Variants in PRL observed in about 807,000 individuals in gnomAD.
The protein encoded by PRL is prolactin.
In PRL, 24 loss-of-function variants were observed where a neutral mutation model predicts 21.3. That is an observed-to-expected ratio of 1.13 (90% CI 0.82 to 1.59). PRL has a LOEUF of 1.59. Ranked by LOEUF, PRL falls within the 40% of genes most tolerant of loss-of-function variation. PRL has a pLI of 0.00. For missense variants in PRL, 243 were observed against 286.9 expected, an observed-to-expected ratio of 0.85 and a Z score of 1.10; for synonymous variants, 118 against 115.7, an observed-to-expected ratio of 1.02 and a Z score of -0.13.
chr6:22,287,802 A>G (rs1462146543), intron 4 of PRL, among the ~76,000 whole-genome samples: 8 of 152,228 alleles, frequency 5.3e-5, no homozygotes, highest in Admixed American at 5.2e-4. Context: ...GTTCTCTGAC[A>G]TCTATGGGAT....
upstream of PRL, chr6:22,297,217 A>G (rs1006619361): frequency 3.2e-5 from 18 of 555,434 alleles, no homozygotes; most frequent in South Asian, 3.6e-4. Flanking sequence ...TACTGGCCAG[A>G]AATGAACATT....
At chr6:22,299,106 A>C (rs1761235280), upstream of PRL, among the ~76,000 whole-genome samples, 1 of 152,248 alleles carries the variant, frequency 6.6e-6, no homozygotes, top group African/African-American at 2.4e-5. Flanking sequence ...ACTGCTATGC[A>C]TGTTACCCCC....
At chr6:22,294,830 A>C (rs1036431418) in intron 1 of PRL, among the ~76,000 whole-genome samples, 15 of 152,334 alleles carry the variant, frequency 9.8e-5, no homozygotes, top group Admixed American at 8.5e-4. Flanking sequence ...GTTTCCCAGA[A>C]GTGCTTCTGT....
Position 22,297,032 on chromosome 6 carries a change from C to T in PRL, c.-50G>A. ...ACTTCACCAGAGAAGATCTGGAAGT[C>T]TCACGGTTTTCTCTTTCCCAGATAT... On this transcript the variant is annotated 5_prime_UTR_variant, in exon 1 of 5. Transcript: ENST00000306482. The T allele has an allele frequency of 6.2e-7, 1 of 1,600,270 alleles. No individual in the cohort carries two copies. Among genetic ancestry groups the T allele is most frequent in the Non-Finnish European group, 8.6e-7 (1 of 1,168,578 alleles).
At chr6:22,295,035 C>T (rs1430436705) in intron 1 of PRL, among the ~76,000 whole-genome samples, 1 of 152,000 alleles carries the variant, frequency 6.6e-6, no homozygotes, top group Non-Finnish European at 1.5e-5. Context: ...ACAGTACAGT[C>T]GATCCTTTCG....
intron 1 of PRL, among the ~76,000 whole-genome samples, chr6:22,295,349 T>G (rs963922138): frequency 1.4e-4 from 21 of 152,206 alleles, no homozygotes; most frequent in Non-Finnish European, 2.8e-4. Context: ...AGAGGCATGA[T>G]GCCAATACTG....
At chr6:22,302,062 T>C (rs911698596), upstream of PRL, among the ~76,000 whole-genome samples, 1 of 152,006 alleles carries the variant, frequency 6.6e-6, no homozygotes, top group Non-Finnish European at 1.5e-5. Flanking sequence ...AAAAAGAAAC[T>C]AAAAAATACA....
At chr6:22,295,918 TAGGAAGTG>T (rs1761163613) in intron 1 of PRL, among the ~76,000 whole-genome samples, 1 of 152,234 alleles carries the variant, frequency 6.6e-6, no homozygotes, top group South Asian at 2.1e-4. Flanking sequence ...TTGCTTAGTG[TAGGAAGTG>T]ACTAAATCTG....
rs1237405271 is a variant in PRL, at chr6:22,294,544, G to T, written c.69C>A (p.Cys23Ter). ...LLLLVSNLLLCQSVAPLPICP... is the reference protein window; with the variant it reads ...LLLLVSNLLL The stretch of plus-strand genomic sequence containing the variant: ...AGATGGGCAAGGGGGCCACGCTCTG[G>T]CACAGGAGCAGGTTTGACACCAGCA... Residue 23 changes from cysteine (C) to a stop codon, truncating the protein, a stop_gained, in exon 2 of 5, where the codon TGC becomes TGA. Coordinates refer to ENST00000306482, the MANE Select transcript of PRL (RefSeq NM_000948.6). LOFTEE classifies it high-confidence loss of function. 1 of 1,612,816 alleles carries T rather than the reference G, an allele frequency of 6.2e-7. No homozygotes were observed. Among genetic ancestry groups the T allele is most frequent in the Admixed American group, 1.7e-5 (1 of 59,834 alleles).
intron 1 of PRL, among the ~76,000 whole-genome samples, chr6:22,295,695 C>T (rs960181615): frequency 2.0e-5 from 3 of 152,098 alleles, no homozygotes; most frequent in Non-Finnish European, 2.9e-5. Flanking sequence ...AGGAAAGAAA[C>T]GATAGATAGC....
chr6:22,289,748 C>G (rs1293507753), intron 4 of PRL, among the ~76,000 whole-genome samples: 1 of 152,130 alleles, frequency 6.6e-6, no homozygotes, highest in African/African-American at 2.4e-5. Context: ...GAGGGCCCAT[C>G]CAATCTGATT....
intron 1 of PRL, among the ~76,000 whole-genome samples, chr6:22,302,542 A>G (rs1761301907): frequency 6.6e-6 from 1 of 152,198 alleles, no homozygotes; most frequent in Non-Finnish European, 1.5e-5. Flanking sequence ...TGACAGTCCT[A>G]TAACAAAAGA....
chr6:22,287,272 T>G lies in PRL; in HGVS notation c.*130A>C. 1 of 870,728 alleles carries G rather than the reference T, an allele frequency of 1.1e-6. No individual in the cohort carries two copies. The highest frequency in any genetic ancestry group is 3.1e-5 in the South Asian group (1 of 32,096). 53.9% of individuals were successfully genotyped at this position (870,728 alleles called of 1,614,324 possible). On this transcript the variant is annotated 3_prime_UTR_variant, in exon 5 of 5. Transcript: ENST00000306482. ...TTTAGATTTTGATGTCTCTAAGGAG[T>G]CAGTTTTTATTTTTTAAGAGGAGAC...
chr6:22,288,895 C>CGT lies in PRL; in HGVS notation c.492+1277_492+1278dup, dbSNP rs961829488. ...GTGTATGCGCGTGCGCGTGTGTGTG[C>CGT]GTGTGTGCGCGCGCGTGTGTGTGCG... On this transcript the variant is annotated intron_variant, in intron 4 of 4. Transcript: ENST00000306482. This position sits in a 1 kb window ranked among gnomAD's most constrained non-coding sequence, Gnocchi z 4.5. Among the ~76,000 whole-genome samples, 77 of 148,144 alleles carry CGT rather than the reference C, an allele frequency of 5.2e-4. No homozygotes were observed. The highest frequency in any genetic ancestry group is 7.4e-4 in the Non-Finnish European group (50 of 67,470).
upstream of PRL, among the ~76,000 whole-genome samples, chr6:22,301,685 GT>G (rs1761284538): frequency 6.6e-6 from 1 of 152,048 alleles, no homozygotes; most frequent in South Asian, 2.1e-4. Context: ...TCCAGCCTAC[GT>G]ACCCTTTATC....
Position 22,288,789 on chromosome 6 carries a change from C to A in PRL, c.493-1196G>T, listed in dbSNP as rs1760978534. ...TTAGGTATATATCTGGATGTAGACGCCGATCTGCTAAACCTTTTCCTACAA... is the reference window on the plus strand; with the variant it reads ...TTAGGTATATATCTGGATGTAGACGACGATCTGCTAAACCTTTTCCTACAA... On this transcript the variant is annotated intron_variant, in intron 4 of 4. Coordinates refer to ENST00000306482, the MANE Select transcript of PRL (RefSeq NM_000948.6). The surrounding 1 kb of genome is among the most constrained non-coding windows in gnomAD (Gnocchi z 4.5). Among the ~76,000 whole-genome samples, 1 of 152,194 alleles carries A rather than the reference C, an allele frequency of 6.6e-6. No individual in the cohort carries two copies. The highest frequency in any genetic ancestry group is 1.5e-5 in the Non-Finnish European group (1 of 68,046).
rs202053399 is a variant in PRL, at chr6:22,287,376, C to T, written c.*26G>A. 6.9e-6 allele frequency: 11 copies of T among 1,589,868 alleles called. No individual in the cohort carries two copies. Reference sequence around the variant, plus strand: ...TGGAACGGATCATTAAGGACCTTCTCAGAAATAGATGAAATGGATGTGGGC... The same window carrying T: ...TGGAACGGATCATTAAGGACCTTCTTAGAAATAGATGAAATGGATGTGGGC... On this transcript the variant is annotated 3_prime_UTR_variant, in exon 5 of 5. Coordinates refer to ENST00000306482, the MANE Select transcript of PRL (RefSeq NM_000948.6).
chr6:22,287,333 A>G lies in PRL; in HGVS notation c.*69T>C. 1 of 1,446,824 alleles carries G rather than the reference A, an allele frequency of 6.9e-7. No individual in the cohort carries two copies. The highest frequency in any genetic ancestry group is 2.3e-5 in the East Asian group (1 of 42,798). The allele number at this position is 1,446,824 out of a possible 1,614,324, so 89.6% of individuals were successfully genotyped here. ...CAAGCATGGATTCAAAAGAGATACAACTAAAAGAAGCTTGCAATGGAACGG... is the reference window on the plus strand; with the variant it reads ...CAAGCATGGATTCAAAAGAGATACAGCTAAAAGAAGCTTGCAATGGAACGG... On this transcript the variant is annotated 3_prime_UTR_variant, in exon 5 of 5. Coordinates refer to ENST00000306482, the MANE Select transcript of PRL (RefSeq NM_000948.6).
chr6:22,288,534 A>T lies in PRL; in HGVS notation c.493-941T>A, dbSNP rs915210542. ...TAGGTGACACAGTGAGAACTTGTCT[A>T]AAAAAAAAAAGGTCAGGGGGTTGCT... On this transcript the variant is annotated intron_variant, in intron 4 of 4. Coordinates refer to ENST00000306482, the MANE Select transcript of PRL (RefSeq NM_000948.6). This position sits in a 1 kb window ranked among gnomAD's most constrained non-coding sequence, Gnocchi z 4.5. 6.2e-5 allele frequency among the ~76,000 whole-genome samples: 9 copies of T among 144,876 alleles called. No individual in the cohort carries two copies. The highest frequency in any genetic ancestry group is 2.2e-4 in the South Asian group (1 of 4,528).
Sources: allele counts gnomAD v4.1 joint callset (sites outside exome capture counted in the v4.1 genomes callset), GRCh38; gene constraint gnomAD v4.1.1; non-coding constraint Gnocchi (gnomAD v3.1); transcripts MANE v1.5; gene names NCBI Gene and HGNC (gene_info 2026-07-23, HGNC 2026-07-21).